Variants in SPAG16 observed in about 807,000 individuals in gnomAD.
SPAG16 encodes the protein sperm-associated antigen 16 protein.
Under a neutral mutation model 80.4 loss-of-function variants are expected in SPAG16, and 86 were observed. That is an observed-to-expected ratio of 1.07 (90% CI 0.90 to 1.28). The LOEUF (loss-of-function observed/expected upper bound fraction) is 1.28. Among genes scored for constraint, SPAG16 ranks in the 50% most tolerant of loss-of-function variants. The probability of loss-of-function intolerance (pLI) is 0.00; values close to 1 mark genes in which losing one functional copy is unlikely to be tolerated. For missense variants in SPAG16, 870 were observed against 765.3 expected (o/e 1.14, Z -1.61); for synonymous variants, 294 against 265.9 (o/e 1.11, Z -1.03).
chr2:213,972,301 T>A (rs567036553), intron 12 of SPAG16, among the ~76,000 whole-genome samples: 3 of 151,092 alleles, frequency 2.0e-5, no homozygotes, highest in African/African-American at 7.3e-5. Flanking sequence ...ATATATAATA[T>A]AAATCTATAA....
intron 15 of SPAG16, among the ~76,000 whole-genome samples, chr2:214,219,388 A>G (rs1446654938): frequency 6.9e-6 from 1 of 145,604 alleles, no homozygotes; most frequent in Non-Finnish European, 1.5e-5. Flanking sequence ...ATTATTTGAT[A>G]ACTTATCAAA....
chr2:213,907,301 G>A (rs1241411520), intron 11 of SPAG16, among the ~76,000 whole-genome samples: 1 of 152,024 alleles, frequency 6.6e-6, no homozygotes, highest in Non-Finnish European at 1.5e-5. Context: ...CTAATCCTCA[G>A]GGAAATGCAA....
chr2:214,145,638 A>C (rs906246752), intron 14 of SPAG16, among the ~76,000 whole-genome samples: 1 of 152,156 alleles, frequency 6.6e-6, no homozygotes, highest in African/African-American at 2.4e-5. Flanking sequence ...GGCTTAACAG[A>C]GGCAATCAGG....
chr2:214,087,022 C>A (rs2051815930), intron 13 of SPAG16, among the ~76,000 whole-genome samples: 1 of 144,258 alleles, frequency 6.9e-6, no homozygotes, highest in Admixed American at 6.8e-5. Context: ...AGTGTTTACA[C>A]TTTCTTGTGA....
At position 213,690,333 on chromosome 2, in the gene SPAG16, C is replaced by T. The variant is rs557599386; in HGVS notation, c.1071-172152C>T. ...AAGGTCAAGTCACCAGCAGATTTGG[C>T]TCTCCAGCAAGGGCTGCATCCTCCA... On this transcript the variant is annotated intron_variant, in intron 10 of 15. Coordinates refer to ENST00000331683, the MANE Select transcript of SPAG16 (RefSeq NM_024532.5). Among the ~76,000 whole-genome samples the T allele has an allele frequency of 4.6e-5, 7 of 152,328 alleles. No individual in the cohort carries two copies. The East Asian group carries it at 1.4e-3, about 29-fold the overall frequency.
At chr2:213,902,097 A>G (rs796335165) in intron 11 of SPAG16, among the ~76,000 whole-genome samples, 4 of 152,316 alleles carry the variant, frequency 2.6e-5, no homozygotes, top group African/African-American at 9.6e-5. Flanking sequence ...TTGCAAGAGG[A>G]TAAGATTGAA....
intron 10 of SPAG16, among the ~76,000 whole-genome samples, chr2:213,589,090 AC>A (rs2060588666): frequency 6.6e-6 from 1 of 152,116 alleles, no homozygotes; most frequent in Admixed American, 6.5e-5. Flanking sequence ...AGTATAGTAA[AC>A]TGTTGATTAC....
intron 9 of SPAG16, among the ~76,000 whole-genome samples, chr2:213,427,372 T>A (rs2070003918): frequency 6.6e-6 from 1 of 152,212 alleles, no homozygotes; most frequent in Admixed American, 6.5e-5. Context: ...GCTGAATCCT[T>A]AGTTTTTTGT....
At chr2:213,417,636 A>C (rs2069335125) in intron 9 of SPAG16, among the ~76,000 whole-genome samples, 1 of 152,204 alleles carries the variant, frequency 6.6e-6, no homozygotes. Context: ...AAAATACTAT[A>C]TTCACATGGC....
chr2:214,405,314 A>G (rs1701936131), intron 15 of SPAG16, among the ~76,000 whole-genome samples: 1 of 152,054 alleles, frequency 6.6e-6, no homozygotes, highest in African/African-American at 2.4e-5. Context: ...TTTTGTAGAG[A>G]TGGAGTCTCA....
At chr2:214,256,067 T>C (rs928618490) in intron 15 of SPAG16, among the ~76,000 whole-genome samples, 1 of 151,942 alleles carries the variant, frequency 6.6e-6, no homozygotes, top group Non-Finnish European at 1.5e-5. Context: ...ATATTCCCAC[T>C]AGTAATTTGT....
In SPAG16 at chr2:213,833,539, AAT is replaced by A. The variant is rs1553640544; in HGVS notation, c.1071-28938_1071-28937del. Among the ~76,000 whole-genome samples the A allele has an allele frequency of 9.3e-3, 7 of 756 alleles. 2 individuals carry two copies. The highest frequency in any genetic ancestry group is 0.17 in the Admixed American group (2 of 12). The allele number at this position is 756 out of a possible 152,430, so 0.5% of individuals were successfully genotyped here. The stretch of plus-strand genomic sequence containing the variant: ...TATATATAATATATATATTATATAT[AAT>A]ATATATAATATATATAATATATATA... On this transcript the variant is annotated intron_variant, in intron 10 of 15. Coordinates refer to ENST00000331683, the MANE Select transcript of SPAG16 (RefSeq NM_024532.5).
intron 5 of SPAG16, among the ~76,000 whole-genome samples, chr2:213,336,316 C>T (rs566637249): frequency 2.0e-5 from 3 of 152,216 alleles, no homozygotes; most frequent in Admixed American, 6.5e-5. Context: ...TTTGCATACT[C>T]CAGCTCTGGG....
At chr2:213,665,407 C>T (rs181251634) in intron 10 of SPAG16, among the ~76,000 whole-genome samples, 2 of 152,160 alleles carry the variant, frequency 1.3e-5, no homozygotes, top group African/African-American at 4.8e-5. Context: ...CACACGTGCA[C>T]ATAAATTAGG....
chr2:213,998,952 G>A (rs145335532), intron 12 of SPAG16, among the ~76,000 whole-genome samples: 278 of 152,272 alleles, frequency 1.8e-3, no homozygotes, highest in African/African-American at 6.2e-3. Flanking sequence ...AAACTCAAGC[G>A]ATGACTTGGG....
chr2:214,186,752 T>G (rs2057491499), intron 15 of SPAG16, among the ~76,000 whole-genome samples: 1 of 151,854 alleles, frequency 6.6e-6, no homozygotes, highest in Non-Finnish European at 1.5e-5. Flanking sequence ...CAAGTAGTTG[T>G]TTTTTTGTTT....
At chr2:214,359,096 GAAT>G (rs1361549643) in intron 15 of SPAG16, among the ~76,000 whole-genome samples, 2 of 151,690 alleles carry the variant, frequency 1.3e-5, no homozygotes, top group African/African-American at 4.8e-5. Flanking sequence ...ATTTTATAGA[GAAT>G]AATAACAGCA....
chr2:214,401,038 C>T (rs1701678275), intron 15 of SPAG16, among the ~76,000 whole-genome samples: 1 of 151,902 alleles, frequency 6.6e-6, no homozygotes, highest in Non-Finnish European at 1.5e-5. Flanking sequence ...AAGTTAAATT[C>T]GCAAGCAATA....
intron 10 of SPAG16, among the ~76,000 whole-genome samples, chr2:213,674,236 T>C (rs531014413): frequency 6.6e-6 from 1 of 152,156 alleles, no homozygotes; most frequent in Non-Finnish European, 1.5e-5. Context: ...ATTTTACAGT[T>C]TGTAATTTCA....
Sources: allele counts gnomAD v4.1 joint callset (sites outside exome capture counted in the v4.1 genomes callset), GRCh38; gene constraint gnomAD v4.1.1; transcripts MANE v1.5; gene names NCBI Gene and HGNC (gene_info 2026-07-23, HGNC 2026-07-21).